Variants in CEMIP observed in about 807,000 individuals in gnomAD.
CEMIP encodes cell migration inducing hyaluronidase 1.
In CEMIP, 105 loss-of-function variants were observed where a neutral mutation model predicts 156.9. The observed-to-expected ratio is 0.67, with a 90% CI of 0.57 to 0.79. CEMIP has a LOEUF of 0.79. Ranked by LOEUF, CEMIP falls within the 30% of genes least tolerant of loss-of-function variation. The pLI is 0.00. For synonymous variants in CEMIP, 676 were observed against 668.4 expected, an observed-to-expected ratio of 1.01 and a Z score of -0.17; for missense variants, 1,457 against 1,769.4, an observed-to-expected ratio of 0.82 and a Z score of 3.17.
chr15:80,794,120 G>A (rs886443130), intron 1 of CEMIP, among the ~76,000 whole-genome samples: 1 of 152,172 alleles, frequency 6.6e-6, no homozygotes, highest in Non-Finnish European at 1.5e-5. Flanking sequence ...TGTTGTCTGT[G>A]ATTTTTATCT....
chr15:80,849,392 G>A (rs542000028), intron 1 of CEMIP, among the ~76,000 whole-genome samples: 1 of 152,304 alleles, frequency 6.6e-6, no homozygotes, highest in African/African-American at 2.4e-5. Flanking sequence ...TTCCAATTCA[G>A]CAGGAACTTC....
chr15:80,899,947 A>C (rs917919951), intron 12 of CEMIP, among the ~76,000 whole-genome samples: 2 of 152,172 alleles, frequency 1.3e-5, no homozygotes, highest in Admixed American at 1.3e-4. Context: ...ACTGCTCACT[A>C]TAAGATGATC....
intron 1 of CEMIP, among the ~76,000 whole-genome samples, chr15:80,861,547 C>T (rs1205532502): frequency 1.3e-5 from 2 of 152,174 alleles, no homozygotes; most frequent in East Asian, 3.9e-4. Flanking sequence ...GGGCCAGGAA[C>T]CCCCCAGTGG....
At chr15:80,873,022 G>A (rs1950140712) in intron 1 of CEMIP, among the ~76,000 whole-genome samples, 1 of 152,134 alleles carries the variant, frequency 6.6e-6, no homozygotes, top group South Asian at 2.1e-4. Context: ...TTTCCAGCTA[G>A]CAGGAAGGAG....
rs769278478 is a variant in CEMIP, at chr15:80,909,094, T to C, written c.1588-3T>C. On this transcript the variant is annotated splice_polypyrimidine_tract_variant and splice_region_variant and intron_variant, in intron 13 of 29. Coordinates refer to ENST00000394685, the MANE Select transcript of CEMIP (RefSeq NM_001293298.2). ...CCTCTGACTCTCGGTTCTCCTCTCC[T>C]AGTTTGCTCTGGGATTTAAGGCAGC... The C allele has an allele frequency of 1.2e-6, 2 of 1,613,664 alleles. No individual in the cohort carries two copies. Among genetic ancestry groups the C allele is most frequent in the Non-Finnish European group, 1.7e-6 (2 of 1,179,944 alleles).
intron 1 of CEMIP, among the ~76,000 whole-genome samples, chr15:80,854,364 C>T (rs1385338346): frequency 6.6e-6 from 1 of 152,234 alleles, no homozygotes; most frequent in African/African-American, 2.4e-5. Flanking sequence ...TGGGCTGCAG[C>T]TCCTGGGAGA....
chr15:80,901,277 T>C (rs964971438), intron 12 of CEMIP, among the ~76,000 whole-genome samples: 2 of 152,246 alleles, frequency 1.3e-5, no homozygotes, highest in Admixed American at 1.3e-4. Flanking sequence ...TAGGGGCTAC[T>C]GTTTTCTTCA....
chr15:80,932,394 A>C lies in CEMIP; in HGVS notation c.2793+355A>C, dbSNP rs961342145. ...CCAGGCCACCTGAGTTGGCACAAAGAATCTAACAAGCCCCACAGTTTCCAA... is the reference window on the plus strand; with the variant it reads ...CCAGGCCACCTGAGTTGGCACAAAGCATCTAACAAGCCCCACAGTTTCCAA... On this transcript the variant is annotated intron_variant, in intron 22 of 29. Coordinates refer to ENST00000394685, the MANE Select transcript of CEMIP (RefSeq NM_001293298.2). This position sits in a 1 kb window ranked among gnomAD's most constrained non-coding sequence, Gnocchi z 4.5. Among the ~76,000 whole-genome samples, 7 of 152,152 alleles carry C rather than the reference A, an allele frequency of 4.6e-5. No homozygotes were observed. The highest frequency in any genetic ancestry group is 1.7e-4 in the African/African-American group (7 of 41,442).
At chr15:80,935,191 T>C (rs937557167) in intron 23 of CEMIP, among the ~76,000 whole-genome samples, 1 of 152,032 alleles carries the variant, frequency 6.6e-6, no homozygotes, top group Non-Finnish European at 1.5e-5. Flanking sequence ...GTTGATATGA[T>C]GATGTGAGGA....
chr15:80,938,150 A>C (rs777692284), intron 25 of CEMIP, 171 bp downstream of exon 25: 13 of 613,974 alleles, frequency 2.1e-5, no homozygotes, highest in Non-Finnish European at 3.5e-5. Flanking sequence ...GACATTTTTA[A>C]AGCTATTAAG....
At chr15:80,897,526 G>T (rs1337279890) in intron 12 of CEMIP, among the ~76,000 whole-genome samples, 2 of 152,296 alleles carry the variant, frequency 1.3e-5, no homozygotes, top group African/African-American at 2.4e-5. Flanking sequence ...TGTTTTGGAG[G>T]GAGATGGTAA....
At chr15:80,830,563 C>A (rs1897135666) in intron 1 of CEMIP, among the ~76,000 whole-genome samples, 1 of 152,192 alleles carries the variant, frequency 6.6e-6, no homozygotes, top group Admixed American at 6.5e-5. Flanking sequence ...CTCGAGGGTA[C>A]TTTGAGCAGG....
intron 1 of CEMIP, among the ~76,000 whole-genome samples, chr15:80,840,198 C>G (rs1416996479): frequency 6.6e-6 from 1 of 152,112 alleles, no homozygotes; most frequent in East Asian, 1.9e-4. Context: ...CTCCAGGAGT[C>G]TTGAAGGGCA....
chr15:80,804,508 C>T (rs1487795066), intron 1 of CEMIP, among the ~76,000 whole-genome samples: 6 of 152,072 alleles, frequency 3.9e-5, no homozygotes, highest in Non-Finnish European at 8.8e-5. Flanking sequence ...AACTTCAGTT[C>T]CTCTACCTGA....
chr15:80,810,937 G>A (rs1055847306), intron 1 of CEMIP, among the ~76,000 whole-genome samples: 7 of 151,874 alleles, frequency 4.6e-5, no homozygotes, highest in South Asian at 2.1e-4. Flanking sequence ...CCATCCATTC[G>A]CCTACTCAAC....
Position 80,895,880 on chromosome 15 carries a change from C to G in CEMIP, c.1231C>G (p.Leu411Val), listed in dbSNP as rs144349326. 10,546 of 1,614,152 alleles carry G rather than the reference C, an allele frequency of 6.5e-3. 46 individuals carry two copies. The highest frequency in any genetic ancestry group is 0.02 in the Middle Eastern group (123 of 6,062). Reference sequence around the variant, plus strand: ...GTTTTGGGTTACAGTGAGGCCCAAACTCACAGTCACCATTGACACCAATGT... The same window carrying G: ...GTTTTGGGTTACAGTGAGGCCCAAAGTCACAGTCACCATTGACACCAATGT... ...FLCGKPVRPK[L>V]TVTIDTNVNS... Residue 411 changes from leucine (L) to valine (V), a missense_variant, in exon 12 of 30, where the codon CTC becomes GTC. Transcript: ENST00000394685.
rs371824221 is a variant in CEMIP, at chr15:80,932,009, C to A, written c.2763C>A (p.Asn921Lys). 3 of 1,614,082 alleles carry A rather than the reference C, an allele frequency of 1.9e-6. No individual in the cohort carries two copies. Among genetic ancestry groups the A allele is most frequent in the Non-Finnish European group, 1.7e-6 (2 of 1,180,042 alleles). The change falls in exon 22 of 30, where the codon AAC (asparagine) becomes AAA (lysine). Residue 921 changes from asparagine (N) to lysine (K), a missense_variant. By Grantham distance (94) the Asn-to-Lys change is moderately conservative. This residue lies in a region of CEMIP where 798 missense variants were observed against 980.1 expected (regional missense o/e 0.81). Coordinates refer to ENST00000394685, the MANE Select transcript of CEMIP (RefSeq NM_001293298.2). This position sits in a 1 kb window ranked among gnomAD's most constrained non-coding sequence, Gnocchi z 4.5. ...NNAWQSCPHN[N>K]VTGIAFEDVP... ...CCTGGCAGAGCTGCCCCCATAACAA[C>A]GTGACCGGCATTGCCTTTGAGGACG...
At chr15:80,890,546 C>G (rs1899002640) in intron 10 of CEMIP, among the ~76,000 whole-genome samples, 1 of 150,872 alleles carries the variant, frequency 6.6e-6, no homozygotes. Flanking sequence ...GAGATCGCAC[C>G]ACTGTACTCC....
At chr15:80,808,975 A>G (rs956290071) in intron 1 of CEMIP, among the ~76,000 whole-genome samples, 2 of 152,328 alleles carry the variant, frequency 1.3e-5, no homozygotes, top group East Asian at 3.9e-4. Context: ...CAAGATGATA[A>G]ATATGAATGC....
Sources: gnomAD v4.1 joint callset for allele counts (sites outside exome capture counted in the v4.1 genomes callset) on GRCh38, gnomAD v4.1.1 for gene constraint, gnomAD v4.1.1 regional missense constraint, Gnocchi (gnomAD v3.1) non-coding constraint, MANE v1.5 for transcripts, NCBI Gene and HGNC (gene_info 2026-07-23, HGNC 2026-07-21) for gene names.